The following GPT2 variants were observed in gnomAD, a reference collection of about 807,000 sequenced individuals.
GPT2 encodes the protein alanine aminotransferase 2.
In GPT2, 30 loss-of-function variants were observed where a neutral mutation model predicts 56.9. That is an observed-to-expected ratio of 0.53 (90% CI 0.39 to 0.72). The LOEUF is 0.72. Ranked by LOEUF, GPT2 falls within the 30% of genes least tolerant of loss-of-function variation. The probability of loss-of-function intolerance (pLI) is 0.00; values close to 1 mark genes in which losing one functional copy is unlikely to be tolerated. For missense variants in GPT2, 542 were observed against 703.4 expected (o/e 0.77, Z 2.60); for synonymous variants, 271 against 283.1 (o/e 0.96, Z 0.43).
At chr16:46,913,146 G>T (rs895219159) in intron 6 of GPT2, among the ~76,000 whole-genome samples, 7 of 152,192 alleles carry the variant, frequency 4.6e-5, no homozygotes, top group African/African-American at 1.7e-4. Context: ...ATGCTCTGAG[G>T]CGCTGGAGAG....
intron 2 of GPT2, among the ~76,000 whole-genome samples, chr16:46,896,194 GT>G (rs1960682826): frequency 2.0e-5 from 3 of 152,224 alleles, no homozygotes; most frequent in Non-Finnish European, 4.4e-5. Context: ...CCTTGAACCT[GT>G]TGTTGACTGC....
chr16:46,931,145 G>A lies in GPT2; in HGVS notation c.*2148G>A, dbSNP rs1038393369. 6.6e-6 allele frequency: 1 copy of A among 152,226 alleles called. No homozygotes were observed. 9.4% of individuals were successfully genotyped at this position (152,226 alleles called of 1,614,324 possible). Reference sequence around the variant, plus strand: ...AGGCTTGCCTGGCTATTCCTGTTCTGGTGTGTGTGGAGTGTTGGGGAGGAA... The same window carrying A: ...AGGCTTGCCTGGCTATTCCTGTTCTAGTGTGTGTGGAGTGTTGGGGAGGAA... On this transcript the variant is annotated 3_prime_UTR_variant, in exon 12 of 12. Transcript: ENST00000340124.
In GPT2 at chr16:46,884,936, A is replaced by G; in HGVS notation, c.221A>G (p.Glu74Gly). Reference protein sequence around the residue: ...VRGPIVLKAGEIELELQRGIK... With the variant: ...VRGPIVLKAGGIELELQRGIK... The stretch of plus-strand genomic sequence containing the variant: ...GGACCCATCGTGCTCAAGGCCGGCG[A>G]GATCGAGCTCGAGCTGCAGCGGGTG... Residue 74 changes from glutamate (E) to glycine (G), a missense_variant, in exon 2 of 12, where the codon GAG becomes GGG. Transcript: ENST00000340124. The G allele has an allele frequency of 6.6e-7, 1 of 1,525,482 alleles. No homozygotes were observed. Among genetic ancestry groups the G allele is most frequent in the Non-Finnish European group, 8.8e-7 (1 of 1,133,996 alleles). The allele number at this position is 1,525,482 out of a possible 1,614,324, so 94.5% of individuals were successfully genotyped here. A position where few individuals can be genotyped will look rare whatever the true frequency, so the allele number is the denominator to read the frequency against.
intron 5 of GPT2, 27 bp from the exon 6 acceptor site, chr16:46,909,657 T>G (rs1029993823): frequency 3.1e-6 from 5 of 1,604,376 alleles, no homozygotes; most frequent in Non-Finnish European, 4.3e-6. Flanking sequence ...TAGTGCTGGC[T>G]TTCTAGATGT....
At chr16:46,907,029 C>G in intron 5 of GPT2, 54 bp downstream of exon 5, 1 of 1,607,354 alleles carries the variant, frequency 6.2e-7, no homozygotes, top group Non-Finnish European at 8.5e-7. Flanking sequence ...TGAAGAGCAG[C>G]CTTGCCTGTT....
chr16:46,915,570 C>T (rs1340018778), intron 6 of GPT2: 2 of 143,116 alleles, frequency 1.4e-5, no homozygotes, highest in African/African-American at 5.2e-5. Flanking sequence ...CCTACACACG[C>T]AACATATACA....
At chr16:46,885,380 T>A in intron 2 of GPT2, 1 of 607,428 alleles carries the variant, frequency 1.6e-6, no homozygotes, top group Non-Finnish European at 1.9e-6. Flanking sequence ...GAAACCATTT[T>A]AGGTAGGAGG....
At chr16:46,898,980 A>G (rs1214011139) in intron 3 of GPT2, among the ~76,000 whole-genome samples, 2 of 7,016 alleles carry the variant, frequency 2.9e-4, no homozygotes, top group African/African-American at 1.9e-4. Context: ...ACACACATAT[A>G]TATATATATA....
intron 11 of GPT2, among the ~76,000 whole-genome samples, chr16:46,928,068 A>G (rs1160287049): frequency 6.6e-6 from 1 of 152,208 alleles, no homozygotes. Context: ...GGCTGAGTGC[A>G]GTGGCTCACA....
intron 6 of GPT2, 88 bp from the exon 7 acceptor site, chr16:46,916,540 C>T (rs972248130): frequency 8.5e-6 from 8 of 939,588 alleles, no homozygotes; most frequent in Non-Finnish European, 1.4e-5. Context: ...GAACACAGGG[C>T]ACTGAGTGAT....
At position 46,919,928 on chromosome 16, in the gene GPT2, C is replaced by T. The variant is rs74629818; in HGVS notation, c.1037+1171C>T. Among the ~76,000 whole-genome samples, 480 of 152,188 alleles carry T rather than the reference C, an allele frequency of 3.2e-3. 10 individuals carry two copies. In the East Asian group the frequency reaches 0.046, roughly 14 times the overall value. ...AGAAGAGTCAAAGATGAATCCTGGC[C>T]AGGTGCAGTGGCTCACGCCTGTGAT... On this transcript the variant is annotated intron_variant, in intron 8 of 11. Transcript: ENST00000340124.
intron 4 of GPT2, among the ~76,000 whole-genome samples, chr16:46,901,713 G>A (rs186891101): frequency 4.2e-4 from 64 of 151,580 alleles, no homozygotes; most frequent in African/African-American, 1.4e-3. Flanking sequence ...CGCCACCCCC[G>A]CCAACTTTTT....
At chr16:46,923,316 G>T (rs1183950246) in intron 9 of GPT2, among the ~76,000 whole-genome samples, 1 of 152,130 alleles carries the variant, frequency 6.6e-6, no homozygotes, top group African/African-American at 2.4e-5. Flanking sequence ...ACAAAAATCA[G>T]CCGGGATGGT....
intron 2 of GPT2, among the ~76,000 whole-genome samples, chr16:46,891,488 C>G (rs1960584341): frequency 1.3e-5 from 2 of 152,026 alleles, no homozygotes. Context: ...ACTGCAATCT[C>G]CACCTCCTGA....
chr16:46,928,821 C>T (rs1961470436), intron 11 of GPT2, 86 bp from the exon 12 acceptor site: 2 of 997,852 alleles, frequency 2.0e-6, no homozygotes, highest in Non-Finnish European at 3.2e-6. Context: ...CTCCCTCTTC[C>T]ATTCCTAGAG....
chr16:46,904,656 G>T (rs575486435), intron 4 of GPT2, among the ~76,000 whole-genome samples: 3 of 152,286 alleles, frequency 2.0e-5, no homozygotes, highest in African/African-American at 7.2e-5. Flanking sequence ...TTGCTAATGG[G>T]TGAAGGCCTG....
At chr16:46,912,561 A>G (rs900521576) in intron 6 of GPT2, among the ~76,000 whole-genome samples, 2 of 152,196 alleles carry the variant, frequency 1.3e-5, no homozygotes, top group African/African-American at 4.8e-5. Context: ...TTGCATTGCT[A>G]TAAAGAAATA....
intron 2 of GPT2, among the ~76,000 whole-genome samples, chr16:46,893,335 G>A (rs1222207863): frequency 6.6e-6 from 1 of 152,168 alleles, no homozygotes; most frequent in East Asian, 1.9e-4. Flanking sequence ...GTTTCACCGT[G>A]TTAGCCAGGA....
intron 3 of GPT2, among the ~76,000 whole-genome samples, chr16:46,899,578 G>C (rs1478341052): frequency 6.6e-6 from 1 of 152,192 alleles, no homozygotes; most frequent in Admixed American, 6.5e-5. Flanking sequence ...CTGACCCTTG[G>C]AGCAGGCCAG....
Sources: allele counts gnomAD v4.1 joint callset (sites outside exome capture counted in the v4.1 genomes callset), GRCh38; gene constraint gnomAD v4.1.1; transcripts MANE v1.5; gene names NCBI Gene and HGNC (gene_info 2026-07-23, HGNC 2026-07-21).